RASGEF1A: variants seen among roughly 807,000 people sequenced by gnomAD.
The protein encoded by RASGEF1A is ras-GEF domain-containing family member 1A.
In RASGEF1A, 18 loss-of-function variants were observed where a neutral mutation model predicts 56.4. The ratio of observed to expected loss-of-function variants is 0.32; its 90% CI spans 0.22 to 0.47. The LOEUF (loss-of-function observed/expected upper bound fraction) is 0.47, where lower values mean the gene tolerates loss of function less well. Ranked by LOEUF, RASGEF1A falls within the 20% of genes least tolerant of loss-of-function variation. The pLI is 1.00. For missense variants in RASGEF1A, 422 were observed against 627.1 expected (o/e 0.67, Z 3.49); for synonymous variants, 245 against 242.6 (o/e 1.01, Z -0.09).
chr10:43,217,550 G>A (rs866369174), intron 1 of RASGEF1A, among the ~76,000 whole-genome samples: 1 of 152,232 alleles, frequency 6.6e-6, no homozygotes, highest in African/African-American at 2.4e-5. Flanking sequence ...GAAGAAGGCC[G>A]GGTGACCGGC....
intron 1 of RASGEF1A, among the ~76,000 whole-genome samples, chr10:43,240,772 A>G (rs1192211509): frequency 6.6e-6 from 1 of 152,166 alleles, no homozygotes; most frequent in Admixed American, 6.5e-5. Context: ...AAAAGAGGAG[A>G]GTGAGAAATA....
intron 1 of RASGEF1A, chr10:43,208,485 G>A (rs960694244): frequency 5.1e-6 from 5 of 985,576 alleles, no homozygotes; most frequent in Admixed American, 6.1e-5. Flanking sequence ...GGAAGGCCAC[G>A]CCTTCGAGGG....
At chr10:43,236,441 T>C (rs1840431945) in intron 1 of RASGEF1A, among the ~76,000 whole-genome samples, 1 of 152,258 alleles carries the variant, frequency 6.6e-6, no homozygotes, top group Non-Finnish European at 1.5e-5. Context: ...CATAGTTGCA[T>C]GCATGCATTA....
chr10:43,213,335 C>T (rs935714851), intron 1 of RASGEF1A, among the ~76,000 whole-genome samples: 1 of 151,902 alleles, frequency 6.6e-6, no homozygotes, highest in Non-Finnish European at 1.5e-5. Flanking sequence ...ACATGTACCC[C>T]ATAAATATGT....
At chr10:43,211,347 T>G (rs374373749) in intron 1 of RASGEF1A, among the ~76,000 whole-genome samples, 1 of 152,178 alleles carries the variant, frequency 6.6e-6, no homozygotes, top group African/African-American at 2.4e-5. Context: ...TAAGTCTTCC[T>G]GGCTGGGCCT....
intron 4 of RASGEF1A, 78 bp from the exon 5 acceptor site, chr10:43,200,966 A>C: frequency 9.0e-5 from 119 of 1,328,518 alleles, no homozygotes; most frequent in Non-Finnish European, 1.1e-4. Context: ...GATCCATCTC[A>C]CCTCCAGGGA....
intron 1 of RASGEF1A, among the ~76,000 whole-genome samples, chr10:43,224,902 T>C (rs1013074403): frequency 5.3e-5 from 8 of 152,210 alleles, no homozygotes; most frequent in Admixed American, 2.0e-4. Context: ...AACATAAACT[T>C]TTAAAAAATC....
At chr10:43,199,343 A>C in intron 7 of RASGEF1A, 149 bp from the exon 8 acceptor site, 1 of 678,904 alleles carries the variant, frequency 1.5e-6, no homozygotes, top group African/African-American at 1.8e-5. Flanking sequence ...TGCGTCTGGG[A>C]GGTCCAGACA....
chr10:43,256,863 T>C (rs987665215), intron 1 of RASGEF1A, among the ~76,000 whole-genome samples: 1 of 152,210 alleles, frequency 6.6e-6, no homozygotes, highest in African/African-American at 2.4e-5. Flanking sequence ...CCCAGCTGTT[T>C]CCTCTACAAC....
chr10:43,248,009 A>C (rs1048980871), intron 1 of RASGEF1A, among the ~76,000 whole-genome samples: 3 of 150,928 alleles, frequency 2.0e-5, no homozygotes, highest in Non-Finnish European at 2.9e-5. Flanking sequence ...GACCAGCCTG[A>C]GCAATATAGT....
chr10:43,231,144 C>T (rs1275103642), intron 1 of RASGEF1A, among the ~76,000 whole-genome samples: 1 of 152,240 alleles, frequency 6.6e-6, no homozygotes, highest in African/African-American at 2.4e-5. Flanking sequence ...CAATGTCCTC[C>T]CCCACTTTTG....
intron 1 of RASGEF1A, chr10:43,207,819 C>A (rs1255018542): frequency 1.7e-6 from 1 of 598,104 alleles, no homozygotes; most frequent in Non-Finnish European, 2.1e-6. Context: ...CCAGGAACCA[C>A]TGATGTGAGC....
chr10:43,226,259 T>C (rs1490584421), intron 1 of RASGEF1A, among the ~76,000 whole-genome samples: 2 of 152,062 alleles, frequency 1.3e-5, no homozygotes, highest in Non-Finnish European at 2.9e-5. Flanking sequence ...CTGACCAACA[T>C]AGAGAAACCC....
intron 1 of RASGEF1A, among the ~76,000 whole-genome samples, chr10:43,212,762 G>A (rs904848801): frequency 3.2e-4 from 48 of 152,366 alleles, no homozygotes; most frequent in Admixed American, 5.2e-4. Flanking sequence ...CAGTGGGTAC[G>A]TTCTGGAGCT....
intron 1 of RASGEF1A, among the ~76,000 whole-genome samples, chr10:43,253,406 T>TCC: frequency 6.6e-6 from 1 of 152,348 alleles, no homozygotes; most frequent in Non-Finnish European, 1.5e-5. Flanking sequence ...CTGGGAATGT[T>TCC]CCCGTATTCG....
At chr10:43,232,490 T>TG (rs1314662540) in intron 1 of RASGEF1A, among the ~76,000 whole-genome samples, 1 of 150,324 alleles carries the variant, frequency 6.7e-6, no homozygotes, top group African/African-American at 2.5e-5. Context: ...TCCGGCTTTT[T>TG]TTTTTTTTTT....
At chr10:43,233,970 G>A (rs1316647706) in intron 1 of RASGEF1A, among the ~76,000 whole-genome samples, 1 of 152,216 alleles carries the variant, frequency 6.6e-6, no homozygotes, top group Non-Finnish European at 1.5e-5. Context: ...AGGGCAGGGA[G>A]TCAAGGACAC....
intron 1 of RASGEF1A, among the ~76,000 whole-genome samples, chr10:43,225,882 G>T (rs1026886600): frequency 2.6e-5 from 4 of 152,198 alleles, no homozygotes; most frequent in African/African-American, 9.6e-5. Flanking sequence ...CCACGGGGAG[G>T]GGGAGAGAGA....
At chr10:43,222,307 A>C (rs1159421656) in intron 1 of RASGEF1A, among the ~76,000 whole-genome samples, 2 of 152,106 alleles carry the variant, frequency 1.3e-5, no homozygotes, top group Admixed American at 1.3e-4. Flanking sequence ...CAAAGTGGTA[A>C]GTGTCTTCTG....
Sources: allele counts gnomAD v4.1 joint callset (sites outside exome capture counted in the v4.1 genomes callset), GRCh38; gene constraint gnomAD v4.1.1; transcripts MANE v1.5; gene names NCBI Gene and HGNC (gene_info 2026-07-23, HGNC 2026-07-21).